TNPO3: variants seen among roughly 807,000 people sequenced by gnomAD.
TNPO3 encodes the protein transportin 3, also known as transportin-3.
TNPO3 carries 65 observed loss-of-function variants against 122.8 expected under a neutral mutation model. That is an observed-to-expected ratio of 0.53 (90% CI 0.43 to 0.65). The LOEUF is 0.65. TNPO3 is among the 30% of genes least tolerant of loss of function. TNPO3 has a pLI of 0.00. For missense variants in TNPO3, 850 were observed against 1,136.7 expected, an observed-to-expected ratio of 0.75 and a Z score of 3.63; for synonymous variants, 372 against 411.2, an observed-to-expected ratio of 0.90 and a Z score of 1.15.
At chr7:129,043,385 A>G (rs1807640475) in intron 1 of TNPO3, among the ~76,000 whole-genome samples, 1 of 152,186 alleles carries the variant, frequency 6.6e-6, no homozygotes, top group East Asian at 1.9e-4. Context: ...AGACTGCGTG[A>G]CAGAGTGAAA....
At chr7:129,014,734 T>C (rs1039679889) in intron 4 of TNPO3, among the ~76,000 whole-genome samples, 3 of 152,192 alleles carry the variant, frequency 2.0e-5, no homozygotes, top group South Asian at 2.1e-4. Context: ...GAATTAACAG[T>C]TGTGTAACTC....
At chr7:129,002,146 C>G (rs777261656) in intron 5 of TNPO3, among the ~76,000 whole-genome samples, 11 of 152,204 alleles carry the variant, frequency 7.2e-5, no homozygotes, top group Non-Finnish European at 1.3e-4. Flanking sequence ...AAATAATATT[C>G]AGCCTACAAC....
intron 1 of TNPO3, among the ~76,000 whole-genome samples, chr7:129,022,866 T>C (rs932485134): frequency 2.0e-5 from 3 of 152,152 alleles, no homozygotes; most frequent in African/African-American, 7.2e-5. Context: ...ACAATCTGTT[T>C]AAAAAATCAA....
At chr7:129,056,119 T>A, upstream of TNPO3, 1 of 1,071,722 alleles carries the variant, frequency 9.3e-7, no homozygotes, top group South Asian at 1.3e-5. Context: ...GCGGCCACTG[T>A]GCCTGCCGAC....
chr7:128,978,262 A>C (rs571460383), intron 16 of TNPO3, among the ~76,000 whole-genome samples: 8 of 152,370 alleles, frequency 5.3e-5, no homozygotes, highest in African/African-American at 1.9e-4. Context: ...TCATAATTAC[A>C]TATCAATCTT....
At chr7:129,000,975 T>C (rs1801880913) in intron 6 of TNPO3, 84 bp downstream of exon 6, 1 of 1,450,624 alleles carries the variant, frequency 6.9e-7, no homozygotes, top group Non-Finnish European at 9.5e-7. Context: ...GAATCACAAA[T>C]GACAGACGAA....
rs766473588 is a variant in TNPO3 at position 129,001,119 on chromosome 7, T to C, written c.812A>G (p.Gln271Arg). ...GGCAGTCTCCAATGTCAGCACTCCC[T>C]GAAAAAGTTGCATGGCTAATGGCAA... ...TNLPLAMQLF[Q>R]GVLTLETAYH... The change falls in exon 6 of 23, where the codon CAG (glutamine) becomes CGG (arginine). Residue 271 changes from glutamine to arginine, a missense_variant. Coordinates refer to ENST00000265388, the MANE Select transcript of TNPO3 (RefSeq NM_012470.4). The C allele has an allele frequency of 1.2e-6, 2 of 1,614,046 alleles. No individual in the cohort carries two copies. Among genetic ancestry groups the C allele is most frequent in the Admixed American group, 1.7e-5 (1 of 59,990 alleles).
At position 128,982,250 on chromosome 7, in the gene TNPO3, A is replaced by G. The variant is rs747263256; in HGVS notation, c.1857T>C (p.Phe619=). The part of the protein sequence containing the change: ...TVFLDRLAVI[F]RHTNPIVENG... ...GCATCCAGAGTCTCCTTTCTTACCT[A>G]AATATCACTGCAAGGCGATCTAAGA... Residue 619 remains phenylalanine, a splice_region_variant and synonymous_variant, in exon 14 of 23, where the codon TTT becomes TTC. Coordinates refer to ENST00000265388, the MANE Select transcript of TNPO3 (RefSeq NM_012470.4). 1.2e-6 allele frequency: 2 copies of G among 1,612,532 alleles called. No individual in the cohort carries two copies.
chr7:129,012,899 C>T (rs1432682164), intron 4 of TNPO3, among the ~76,000 whole-genome samples: 1 of 152,078 alleles, frequency 6.6e-6, no homozygotes. Flanking sequence ...TCCAACAAAG[C>T]TTTATTTACA....
intron 13 of TNPO3, among the ~76,000 whole-genome samples, chr7:128,983,598 T>C (rs571664150): frequency 2.0e-5 from 3 of 152,306 alleles, no homozygotes; most frequent in African/African-American, 7.2e-5. Flanking sequence ...TATTAAACTG[T>C]CAGAGTTATG....
At chr7:129,044,062 T>C (rs574148703) in intron 1 of TNPO3, among the ~76,000 whole-genome samples, 2 of 152,368 alleles carry the variant, frequency 1.3e-5, no homozygotes, top group East Asian at 1.9e-4. Flanking sequence ...AAATGTAATA[T>C]GTCTAACTTA....
chr7:129,018,033 G>C lies in TNPO3; in HGVS notation c.245C>G (p.Ser82Cys). 6.2e-7 allele frequency: 1 copy of C among 1,614,172 alleles called. No individual in the cohort carries two copies. Among genetic ancestry groups the C allele is most frequent in the Non-Finnish European group, 8.5e-7 (1 of 1,180,020 alleles). Reference sequence around the variant, plus strand: ...CAATGAGTCCCGTAAAGAGGCATGAGAGTCTGTGGGGAGCTCATAAAATGA... The same window carrying C: ...CAATGAGTCCCGTAAAGAGGCATGACAGTCTGTGGGGAGCTCATAAAATGA... ...QTSFYELPTD[S>C]HASLRDSLLT... The change falls in exon 2 of 23, where the codon TCT becomes TGT. Residue 82 changes from serine (S) to cysteine (C), a missense_variant. Transcript: ENST00000265388.
chr7:128,976,425 G>A (rs1191915845), intron 16 of TNPO3, among the ~76,000 whole-genome samples: 1 of 152,030 alleles, frequency 6.6e-6, no homozygotes, highest in Non-Finnish European at 1.5e-5. Context: ...TGTTTTCTAC[G>A]AAGATATTTG....
chr7:129,000,623 T>C, intron 6 of TNPO3, 56 bp from the exon 7 acceptor site: 4 of 1,520,076 alleles, frequency 2.6e-6, no homozygotes, highest in Admixed American at 1.8e-5. Flanking sequence ...ATTATAAGTA[T>C]ATACAGGCAC....
rs1251474965 is a variant in TNPO3, at chr7:129,001,215, G to C, written c.716C>G (p.Ser239Cys). The C allele has an allele frequency of 5.6e-6, 9 of 1,612,358 alleles. No homozygotes were observed. The highest frequency in any genetic ancestry group is 6.8e-6 in the Non-Finnish European group (8 of 1,178,578). The change falls in exon 6 of 23, where the codon TCT becomes TGT. Residue 239 changes from serine (S) to cysteine (C), a missense_variant. By Grantham distance (112) the Ser-to-Cys change is moderately radical. Coordinates refer to ENST00000265388, the MANE Select transcript of TNPO3 (RefSeq NM_012470.4). ...GTCCGAAGCAGCTTCATGTAGGTTA[G>C]ACGAGGTCTTATCCTGTTGCTGGGG... ...FEVLQQDKTS[S>C]NLHEAASDCV...
In TNPO3 at chr7:128,984,092, A is replaced by G. The variant is rs894047153; in HGVS notation, c.1782+76T>C. ...TTCTAGGTAGACAAAAGATCTGTAA[A>G]TAAGTAATTTCATCTTTTCATTTTT... On this transcript the variant is annotated intron_variant, in intron 13 of 22. Transcript: ENST00000265388. The G allele has an allele frequency of 8.9e-6, 8 of 896,434 alleles. No individual in the cohort carries two copies. The East Asian group carries it at 1.7e-4, about 19-fold the overall frequency. The allele number at this position is 896,434 out of a possible 1,614,324, so 55.5% of individuals were successfully genotyped here.
intron 1 of TNPO3, among the ~76,000 whole-genome samples, chr7:129,027,685 AT>A (rs1805417792): frequency 6.6e-6 from 1 of 151,802 alleles, no homozygotes; most frequent in Non-Finnish European, 1.5e-5. Context: ...AAAGAAGGGA[AT>A]GGAAGAGCAG....
intron 16 of TNPO3, 71 bp downstream of exon 16, chr7:128,978,912 G>T (rs1297193769): frequency 6.4e-7 from 1 of 1,567,518 alleles, no homozygotes; most frequent in African/African-American, 1.4e-5. Flanking sequence ...GATTACAGAC[G>T]TGAGCCACCG....
intron 18 of TNPO3, among the ~76,000 whole-genome samples, chr7:128,973,519 G>A (rs1233337197): frequency 3.3e-5 from 5 of 150,884 alleles, no homozygotes; most frequent in African/African-American, 7.3e-5. Flanking sequence ...GGTGGATCAC[G>A]AGGTCAGGAG....
Sources: allele counts gnomAD v4.1 joint callset (sites outside exome capture counted in the v4.1 genomes callset), GRCh38; gene constraint gnomAD v4.1.1; transcripts MANE v1.5; gene names NCBI Gene and HGNC (gene_info 2026-07-23, HGNC 2026-07-21).